Variants in LINGO2 observed in about 807,000 individuals in gnomAD.
LINGO2 encodes the protein leucine-rich repeat and immunoglobulin-like domain-containing nogo receptor-interacting protein 2.
Under a neutral mutation model 30.6 loss-of-function variants are expected in LINGO2, and 14 were observed. The ratio of observed to expected loss-of-function variants is 0.46; its 90% CI spans 0.30 to 0.72. The LOEUF (loss-of-function observed/expected upper bound fraction) is 0.72. LINGO2 is among the 30% of genes least tolerant of loss of function. The probability of loss-of-function intolerance (pLI) is 0.07; values close to 1 mark genes in which losing one functional copy is unlikely to be tolerated. For missense variants in LINGO2, 729 were observed against 751.7 expected, an observed-to-expected ratio of 0.97 and a Z score of 0.35; for synonymous variants, 317 against 288.5, an observed-to-expected ratio of 1.10 and a Z score of -1.00.
intron 4 of LINGO2, among the ~76,000 whole-genome samples, chr9:28,078,577 G>T (rs562537962): frequency 1.3e-5 from 2 of 148,500 alleles, no homozygotes; most frequent in East Asian, 1.9e-4. Context: ...TCTGCCGGGC[G>T]TGGTGGCTCA....
At chr9:28,561,175 C>T (rs1250101714) in intron 1 of LINGO2, among the ~76,000 whole-genome samples, 1 of 151,906 alleles carries the variant, frequency 6.6e-6, no homozygotes, top group African/African-American at 2.4e-5. Context: ...TTTTCTCTTA[C>T]CATATGCACT....
At chr9:29,130,675 C>T in the LINGO2 span, among the ~76,000 whole-genome samples, 1 of 152,040 alleles carries the variant, frequency 6.6e-6, no homozygotes, top group Non-Finnish European at 1.5e-5. Flanking sequence ...AATTTTAGCA[C>T]ACTTTTCAAA....
chr9:28,747,286 A>T, the LINGO2 span, among the ~76,000 whole-genome samples: 1 of 152,012 alleles, frequency 6.6e-6, no homozygotes, highest in African/African-American at 2.4e-5. Flanking sequence ...GCTACTGGAC[A>T]GCCCAACTCC....
intron 3 of LINGO2, among the ~76,000 whole-genome samples, chr9:28,326,573 T>C (rs10757726): frequency 0.53 from 79,839 of 151,992 alleles, 21,088 homozygotes; most frequent in African/African-American, 0.54. Context: ...TACCTGGTTC[T>C]TCCATGAGAT....
downstream of LINGO2, among the ~76,000 whole-genome samples, chr9:27,945,801 A>G (rs1015739003): frequency 1.3e-5 from 2 of 152,140 alleles, no homozygotes; most frequent in Non-Finnish European, 2.9e-5. Flanking sequence ...GCACAAAAAG[A>G]ACCCAAGATC....
At chr9:29,180,165 T>C in the LINGO2 span, among the ~76,000 whole-genome samples, 122 of 152,174 alleles carry the variant, frequency 8.0e-4, no homozygotes, top group Non-Finnish European at 1.4e-3. Context: ...GCCCCCTGCC[T>C]CTTTCACATA....
At chr9:29,097,502 ATATTAACAAAATGCTATAGG>A in the LINGO2 span, among the ~76,000 whole-genome samples, 1 of 138,846 alleles carries the variant, frequency 7.2e-6, no homozygotes, top group South Asian at 2.3e-4. Context: ...TATGCTATAG[ATATTAACAAAATGCTATAGG>A]TATTACCTAT....
At chr9:28,528,661 A>G (rs1464840996) in intron 1 of LINGO2, among the ~76,000 whole-genome samples, 1 of 152,176 alleles carries the variant, frequency 6.6e-6, no homozygotes, top group Non-Finnish European at 1.5e-5. Flanking sequence ...GAATTGTATT[A>G]CAAATAACTC....
the LINGO2 span, among the ~76,000 whole-genome samples, chr9:28,751,432 G>T: frequency 6.6e-6 from 1 of 151,760 alleles, no homozygotes; most frequent in Non-Finnish European, 1.5e-5. Context: ...TGAAACTACA[G>T]ATATATTTCA....
chr9:28,741,617 G>A, the LINGO2 span, among the ~76,000 whole-genome samples: 1 of 151,808 alleles, frequency 6.6e-6, no homozygotes, highest in African/African-American at 2.4e-5. Context: ...CCTGGTATAG[G>A]GTGACCTGGA....
At chr9:28,752,314 C>A in the LINGO2 span, among the ~76,000 whole-genome samples, 10 of 151,804 alleles carry the variant, frequency 6.6e-5, no homozygotes, top group African/African-American at 2.4e-4. Context: ...TCTTAGATAC[C>A]ATGCACTGTT....
At chr9:28,471,560 C>A (rs1480493545) in intron 2 of LINGO2, among the ~76,000 whole-genome samples, 1 of 152,148 alleles carries the variant, frequency 6.6e-6, no homozygotes, top group Non-Finnish European at 1.5e-5. Flanking sequence ...CACACACGAA[C>A]AATAGCACCA....
chr9:28,845,319 T>C, the LINGO2 span, among the ~76,000 whole-genome samples: 1 of 151,942 alleles, frequency 6.6e-6, no homozygotes. Context: ...AGTCTCTGAA[T>C]ACTCTGTGAA....
the LINGO2 span, among the ~76,000 whole-genome samples, chr9:29,177,594 C>T: frequency 2.6e-5 from 4 of 152,090 alleles, no homozygotes; most frequent in Admixed American, 2.6e-4. Flanking sequence ...AAATCTTATC[C>T]CAAATCCAAG....
the LINGO2 span, among the ~76,000 whole-genome samples, chr9:28,866,960 A>T: frequency 1.3e-5 from 2 of 152,192 alleles, no homozygotes; most frequent in South Asian, 2.1e-4. Context: ...AGAATCTTGT[A>T]TCTTACATTT....
chr9:28,918,066 T>G, the LINGO2 span, among the ~76,000 whole-genome samples: 1 of 151,904 alleles, frequency 6.6e-6, no homozygotes, highest in Non-Finnish European at 1.5e-5. Context: ...AGATACACTG[T>G]GTATTAGTCC....
In LINGO2 at chr9:28,246,168, G is replaced by A. The variant is rs141148987; in HGVS notation, c.-87+49040C>T. On this transcript the variant is annotated intron_variant, in intron 4 of 5. Coordinates refer to ENST00000379992, the Ensembl canonical transcript of LINGO2. ...ATGCCAGGCACGGTGGCTCATGCCT[G>A]TAATCCCAGCACTTTAGAATGCTGA... Among the ~76,000 whole-genome samples the A allele has an allele frequency of 3.2e-3, 491 of 152,198 alleles. 4 individuals carry two copies. Among genetic ancestry groups the A allele is most frequent in the African/African-American group, 0.011 (468 of 41,542 alleles).
the LINGO2 span, among the ~76,000 whole-genome samples, chr9:28,793,600 G>A: frequency 6.6e-6 from 1 of 152,118 alleles, no homozygotes; most frequent in Non-Finnish European, 1.5e-5. Context: ...ACATAGGAGT[G>A]GAAAACCTTC....
intron 3 of LINGO2, among the ~76,000 whole-genome samples, chr9:28,320,176 T>C (rs1374747676): frequency 6.6e-6 from 1 of 152,120 alleles, no homozygotes; most frequent in Non-Finnish European, 1.5e-5. Context: ...AAGGGTCACA[T>C]AGCTTAGTTC....
Sources: gnomAD v4.1 joint callset for allele counts (sites outside exome capture counted in the v4.1 genomes callset) on GRCh38, gnomAD v4.1.1 for gene constraint, MANE v1.5 for transcripts, NCBI Gene and HGNC (gene_info 2026-07-23, HGNC 2026-07-21) for gene names.